RERE: variants seen among roughly 807,000 people sequenced by gnomAD.
The protein encoded by RERE is arginine-glutamic acid dipeptide repeats, also known as arginine-glutamic acid dipeptide repeats protein.
A neutral mutation model predicts 146.1 loss-of-function variants in RERE; 40 were observed. That is an observed-to-expected ratio of 0.27 (90% confidence interval 0.21 to 0.36). RERE has a LOEUF of 0.36. RERE is among the 10% of genes least tolerant of loss of function. RERE has a pLI of 1.00. For missense variants in RERE, 1,933 were observed against 2,138.7 expected, an observed-to-expected ratio of 0.90 and a Z score of 1.90; for synonymous variants, 1,003 against 866.0, an observed-to-expected ratio of 1.16 and a Z score of -2.78.
Position 8,364,262 on chromosome 1 carries a change from G to C in RERE, c.1541-7C>G. On this transcript the variant is annotated splice_region_variant and splice_polypyrimidine_tract_variant and intron_variant, in intron 14 of 22. Coordinates refer to ENST00000400908, the MANE Select transcript of RERE (RefSeq NM_001042681.2). The surrounding 1 kb of genome is among the most constrained non-coding windows in gnomAD (Gnocchi z 5.1). ...TGGTGCCAATCTTTGGAGGCTGTGT[G>C]AGGGAAGTGGTGGGGGCCAACCTTG... 2 of 1,613,870 alleles carry C rather than the reference G, an allele frequency of 1.2e-6. No homozygotes were observed. Among genetic ancestry groups the C allele is most frequent in the Non-Finnish European group, 1.7e-6 (2 of 1,179,816 alleles).
rs1170883869 is a variant in RERE, at chr1:8,359,814, TCTC to T, written c.3565_3567del (p.Glu1189del). ...CGCTCTCGCTCCCGCTCCCGCTCCT[TCTC>T]CTTCTCCTTCTCCCGCTCTCGCTCC... On this transcript the variant is annotated inframe_deletion, in exon 19 of 23. Coordinates refer to ENST00000400908, the MANE Select transcript of RERE (RefSeq NM_001042681.2). The T allele has an allele frequency of 5.7e-6, 9 of 1,592,760 alleles. No individual in the cohort carries two copies. The Admixed American group carries it at 6.7e-5, about 12-fold the overall frequency.
At chr1:8,467,254 G>A (rs1323639060) in intron 10 of RERE, among the ~76,000 whole-genome samples, 3 of 152,206 alleles carry the variant, frequency 2.0e-5, no homozygotes, top group Non-Finnish European at 4.4e-5. Context: ...GTCAAGTAAA[G>A]CTGAACATTC....
Position 8,650,769 on chromosome 1 carries a change from C to T in RERE, c.325+5204G>A, listed in dbSNP as rs187053242. Among the ~76,000 whole-genome samples the T allele has an allele frequency of 6.9e-3, 1,051 of 152,014 alleles. 12 individuals carry two copies. Among genetic ancestry groups the T allele is most frequent in the African/African-American group, 0.024 (1,008 of 41,470 alleles). Reference sequence around the variant, plus strand: ...AAAATTAGCTGGGCATGGTGGCACGCGCCTGTAATCCCAGCTACTTATGAG... The same window carrying T: ...AAAATTAGCTGGGCATGGTGGCACGTGCCTGTAATCCCAGCTACTTATGAG... On this transcript the variant is annotated intron_variant, in intron 2 of 22. Coordinates refer to ENST00000400908, the MANE Select transcript of RERE (RefSeq NM_001042681.2).
chr1:8,384,470 A>C (rs551317982), intron 12 of RERE, among the ~76,000 whole-genome samples: 1 of 152,288 alleles, frequency 6.6e-6, no homozygotes, highest in East Asian at 1.9e-4. Flanking sequence ...TCTCCTGGGA[A>C]CTCAAGCAAT....
At chr1:8,577,734 CA>C (rs1436017044) in intron 4 of RERE, among the ~76,000 whole-genome samples, 2 of 152,156 alleles carry the variant, frequency 1.3e-5, no homozygotes, top group Non-Finnish European at 2.9e-5. Context: ...GCCCTAGAAT[CA>C]AAATAGCTTA....
intron 8 of RERE, among the ~76,000 whole-genome samples, chr1:8,502,703 A>G (rs1645190874): frequency 1.3e-5 from 2 of 150,762 alleles, no homozygotes; most frequent in Admixed American, 6.6e-5. Context: ...CTGTGTGGAT[A>G]GAAGTAGATA....
At chr1:8,751,583 G>A (rs1245004744) in intron 1 of RERE, among the ~76,000 whole-genome samples, 1 of 152,092 alleles carries the variant, frequency 6.6e-6, no homozygotes, top group Admixed American at 6.6e-5. Flanking sequence ...ACTGACAGGT[G>A]AAAGCACATG....
intron 1 of RERE, among the ~76,000 whole-genome samples, chr1:8,673,509 C>G (rs999668784): frequency 6.6e-6 from 1 of 152,166 alleles, no homozygotes; most frequent in Non-Finnish European, 1.5e-5. Context: ...AAAATTCATA[C>G]CCCCTGACAA....
At chr1:8,606,366 T>A (rs545584583) in intron 4 of RERE, among the ~76,000 whole-genome samples, 7 of 152,252 alleles carry the variant, frequency 4.6e-5, no homozygotes, top group African/African-American at 1.7e-4. Context: ...TTCCAGGAAA[T>A]TTAAGTGAAA....
At chr1:8,443,847 T>C (rs79309945) in intron 11 of RERE, among the ~76,000 whole-genome samples, 1,876 of 152,240 alleles carry the variant, frequency 0.012, 33 homozygotes, top group African/African-American at 0.042. Context: ...AGTCTGCAGG[T>C]GTACAGAGTG....
chr1:8,444,275 T>C (rs549685630), intron 11 of RERE, among the ~76,000 whole-genome samples: 46 of 152,306 alleles, frequency 3.0e-4, no homozygotes, highest in African/African-American at 9.6e-4. Context: ...CCCTGCTGGG[T>C]TTAGGACTTG....
At chr1:8,488,908 G>T (rs114787715) in intron 10 of RERE, among the ~76,000 whole-genome samples, 2,114 of 152,186 alleles carry the variant, frequency 0.014, 54 homozygotes, top group African/African-American at 0.049. Context: ...ATGAATCAAA[G>T]ACCTAAATGT....
rs781000693 is a variant in RERE, at chr1:8,358,530, G to A, written c.4005C>T (p.Asp1335=). The A allele has an allele frequency of 1.1e-5, 18 of 1,599,914 alleles. No homozygotes were observed. The Admixed American group carries it at 2.0e-4, about 18-fold the overall frequency. Residue 1335 remains aspartate (D), a synonymous_variant, in exon 20 of 23, where the codon GAC becomes GAT. Transcript: ENST00000400908. ...PGFEVKPPEL[D]PLHPAANPME... Reference sequence around the variant, plus strand: ...TGGGGTTGGCGGCTGGGTGCAGGGGGTCCAGCTCTGGGGGCTTCACCTCGA... The same window carrying A: ...TGGGGTTGGCGGCTGGGTGCAGGGGATCCAGCTCTGGGGGCTTCACCTCGA...
At chr1:8,433,461 A>T (rs1443784869) in intron 11 of RERE, among the ~76,000 whole-genome samples, 1 of 152,206 alleles carries the variant, frequency 6.6e-6, no homozygotes, top group Non-Finnish European at 1.5e-5. Context: ...ACACACAAAA[A>T]AGACCTGTTT....
In RERE at chr1:8,516,227, G is replaced by GAAAAAAA. The variant is rs58064164; in HGVS notation, c.831-7559_831-7553dup. Among the ~76,000 whole-genome samples, 95 of 52,290 alleles carry GAAAAAAA rather than the reference G, an allele frequency of 1.8e-3. 8 individuals are homozygous for GAAAAAAA. Among genetic ancestry groups the GAAAAAAA allele is most frequent in the African/African-American group, 2.5e-3 (29 of 11,624 alleles). 34.3% of individuals were successfully genotyped at this position (52,290 alleles called of 152,430 possible). On this transcript the variant is annotated intron_variant, in intron 7 of 22. Transcript: ENST00000400908. The stretch of plus-strand genomic sequence containing the variant: ...GGGACGGAGCAAGACTCTCTCAGAG[G>GAAAAAAA]AAAAAAAAAAAAAAAAAAAAAATCT...
intron 1 of RERE, among the ~76,000 whole-genome samples, chr1:8,716,300 A>C (rs1197853287): frequency 2.1e-4 from 4 of 19,166 alleles, no homozygotes; most frequent in Admixed American, 1.9e-3. Flanking sequence ...TCATCTCTAC[A>C]AAAAAAAAAA....
At chr1:8,720,437 GA>G (rs1176879414) in intron 1 of RERE, among the ~76,000 whole-genome samples, 4 of 151,846 alleles carry the variant, frequency 2.6e-5, no homozygotes, top group Non-Finnish European at 4.4e-5. Context: ...TAAGTGCTAA[GA>G]AAAAAAAGTA....
intron 4 of RERE, among the ~76,000 whole-genome samples, chr1:8,611,625 G>A (rs141388427): frequency 1.3e-5 from 2 of 152,310 alleles, no homozygotes; most frequent in African/African-American, 2.4e-5. Flanking sequence ...AAAAAGACAT[G>A]GCTAAAAGAA....
chr1:8,764,121 TG>T (rs148975331), intron 1 of RERE, among the ~76,000 whole-genome samples: 2,170 of 152,260 alleles, frequency 0.014, 45 homozygotes, highest in African/African-American at 0.048. Context: ...GTTCCCACGC[TG>T]TCTTCCCTTT....
Sources: gnomAD v4.1 joint callset for allele counts (sites outside exome capture counted in the v4.1 genomes callset) on GRCh38, gnomAD v4.1.1 for gene constraint, Gnocchi (gnomAD v3.1) non-coding constraint, MANE v1.5 for transcripts, NCBI Gene and HGNC (gene_info 2026-07-23, HGNC 2026-07-21) for gene names.